PSME4: variants seen among roughly 807,000 people sequenced by gnomAD.
PSME4 encodes the protein proteasome activator subunit 4.
In PSME4, 89 loss-of-function variants were observed where a neutral mutation model predicts 253.9. The ratio of observed to expected loss-of-function variants is 0.35; its 90% CI spans 0.30 to 0.42. The LOEUF (loss-of-function observed/expected upper bound fraction) is 0.42, where lower values mean the gene tolerates loss of function less well. Among genes scored for constraint, PSME4 ranks in the 10% least tolerant of loss-of-function variants. The probability of loss-of-function intolerance (pLI) is 1.00; values close to 1 mark genes in which losing one functional copy is unlikely to be tolerated. For synonymous variants in PSME4, 851 were observed against 759.2 expected, an observed-to-expected ratio of 1.12 and a Z score of -1.99; for missense variants, 2,014 against 2,195.2, an observed-to-expected ratio of 0.92 and a Z score of 1.65.
At chr2:53,969,795 A>C (rs968912931) in intron 1 of PSME4, among the ~76,000 whole-genome samples, 2 of 152,054 alleles carry the variant, frequency 1.3e-5, no homozygotes, top group Non-Finnish European at 2.9e-5. Flanking sequence ...GTAACTCAAA[A>C]AATTAACACA....
intron 3 of PSME4, 75 bp from the exon 4 acceptor site, chr2:53,940,075 A>G: frequency 5.3e-6 from 6 of 1,137,890 alleles, no homozygotes; most frequent in Middle Eastern, 2.1e-4. Context: ...ATAAATATCT[A>G]TAAGATAACC....
At chr2:53,958,690 G>A (rs1670344612) in intron 1 of PSME4, among the ~76,000 whole-genome samples, 1 of 151,706 alleles carries the variant, frequency 6.6e-6, no homozygotes, top group African/African-American at 2.4e-5. Flanking sequence ...CAAAAATTAG[G>A]GTAATTATTT....
Position 53,931,867 on chromosome 2 carries a change from T to C in PSME4, c.1284A>G (p.Arg428=), listed in dbSNP as rs141014596. 75 of 1,614,034 alleles carry C rather than the reference T, an allele frequency of 4.6e-5. No homozygotes were observed. The African/African-American group carries it at 7.2e-4, about 16-fold the overall frequency. ...GTACAGGGGGTATTACCAATTCAGG[T>C]CTCATGAGTGCAAGATTCTGCAAAG... The part of the protein sequence containing the change: ...AQALQNLALM[R]PELVIPPVLE... The change falls in exon 10 of 47, where the codon AGA becomes AGG. Residue 428 remains arginine (R), a synonymous_variant. Coordinates refer to ENST00000404125, the MANE Select transcript of PSME4 (RefSeq NM_014614.3).
At chr2:53,900,662 A>T (rs917163377) in intron 28 of PSME4, among the ~76,000 whole-genome samples, 1 of 152,242 alleles carries the variant, frequency 6.6e-6, no homozygotes, top group Non-Finnish European at 1.5e-5. Flanking sequence ...ATTACATCTC[A>T]ATTAAAATTT....
chr2:53,923,938 A>C (rs1668447597), intron 14 of PSME4, among the ~76,000 whole-genome samples: 1 of 145,432 alleles, frequency 6.9e-6, no homozygotes, highest in Non-Finnish European at 1.5e-5. Context: ...AAAAAAAAAA[A>C]AAAAAAATTG....
intron 1 of PSME4, among the ~76,000 whole-genome samples, chr2:53,951,905 A>C (rs1670015657): frequency 6.6e-6 from 1 of 152,218 alleles, no homozygotes; most frequent in South Asian, 2.1e-4. Flanking sequence ...TGAAGACAAA[A>C]GATCCTACAC....
intron 41 of PSME4, among the ~76,000 whole-genome samples, chr2:53,885,036 G>T (rs890068434): frequency 6.6e-6 from 1 of 152,148 alleles, no homozygotes; most frequent in Non-Finnish European, 1.5e-5. Flanking sequence ...AAGTGGTGAT[G>T]TTTATGCCAA....
At chr2:53,933,372 T>C (rs1668940202) in intron 8 of PSME4, among the ~76,000 whole-genome samples, 1 of 42,386 alleles carries the variant, frequency 2.4e-5, no homozygotes, top group South Asian at 1.2e-3. Flanking sequence ...AGCGAGACCA[T>C]CTCAAAAAAA....
chr2:53,968,921 A>G (rs1035401668), intron 1 of PSME4, among the ~76,000 whole-genome samples: 1 of 152,228 alleles, frequency 6.6e-6, no homozygotes, highest in Non-Finnish European at 1.5e-5. Flanking sequence ...CTAGGTTTAT[A>G]AATCCAAAGC....
intron 27 of PSME4, among the ~76,000 whole-genome samples, chr2:53,902,950 CAA>C (rs1399110505): frequency 1.3e-5 from 2 of 152,182 alleles, no homozygotes; most frequent in African/African-American, 4.8e-5. Context: ...CTCCAAAAAA[CAA>C]TGACTCTACT....
intron 12 of PSME4, among the ~76,000 whole-genome samples, chr2:53,926,616 G>A (rs1668569108): frequency 6.6e-6 from 1 of 152,172 alleles, no homozygotes; most frequent in Admixed American, 6.5e-5. Context: ...AGGAGGCAGA[G>A]GCTGCAGTGA....
At chr2:53,937,286 G>T in intron 5 of PSME4, 105 bp downstream of exon 5, 1 of 1,084,656 alleles carries the variant, frequency 9.2e-7, no homozygotes, top group Non-Finnish European at 1.3e-6. Context: ...TACAATAATG[G>T]CTGAACTTGC....
At chr2:53,923,027 G>C in intron 16 of PSME4, 22 bp downstream of exon 16, 1 of 1,468,340 alleles carries the variant, frequency 6.8e-7, no homozygotes, top group Non-Finnish European at 9.2e-7. Context: ...TGTAAAGAGA[G>C]AATAATGACC....
chr2:53,935,545 ATATACTGTGATCTAAAAAG>A (rs1458415041), intron 7 of PSME4, among the ~76,000 whole-genome samples: 1 of 152,222 alleles, frequency 6.6e-6, no homozygotes, highest in Non-Finnish European at 1.5e-5. Flanking sequence ...CTAAGAAAAT[ATATACTGTGATCTAAAAAG>A]TGGGCAGCAC....
At chr2:53,873,258 A>AAAAAAAAAAAAAAAAAAAAC (rs1678978957) in intron 43 of PSME4, among the ~76,000 whole-genome samples, 1 of 151,832 alleles carries the variant, frequency 6.6e-6, no homozygotes, top group Non-Finnish European at 1.5e-5. Flanking sequence ...GAAAAAAAAA[A>AAAAAAAAAAAAAAAAAAAAC]ACAGTTGTTA....
At position 53,904,165 on chromosome 2, in the gene PSME4, A is replaced by C; in HGVS notation, c.2944-9T>G. 1 of 1,605,354 alleles carries C rather than the reference A, an allele frequency of 6.2e-7. No individual in the cohort carries two copies. The highest frequency in any genetic ancestry group is 1.3e-5 in the African/African-American group (1 of 74,538). Reference sequence around the variant, plus strand: ...TGAGCCTTATTTCTCACCTGGAGGAAGTATTATTAACAAAGGACTTTTATT... The same window carrying C: ...TGAGCCTTATTTCTCACCTGGAGGACGTATTATTAACAAAGGACTTTTATT... On this transcript the variant is annotated splice_polypyrimidine_tract_variant and intron_variant, in intron 26 of 46. Transcript: ENST00000404125.
At chr2:53,890,699 T>C (rs1017877575) in intron 36 of PSME4, among the ~76,000 whole-genome samples, 11 of 152,140 alleles carry the variant, frequency 7.2e-5, no homozygotes, top group Non-Finnish European at 8.8e-5. Context: ...CAAAAAATAT[T>C]CAGAAAAGAG....
At chr2:53,925,779 T>C (rs1668530861) in intron 13 of PSME4, 90 bp from the exon 14 acceptor site, 4 of 1,367,696 alleles carry the variant, frequency 2.9e-6, no homozygotes. Flanking sequence ...TTGTCCTAAT[T>C]ATTCAAGTGA....
At chr2:53,963,825 G>C (rs1489320429) in intron 1 of PSME4, among the ~76,000 whole-genome samples, 1 of 151,910 alleles carries the variant, frequency 6.6e-6, no homozygotes, top group Non-Finnish European at 1.5e-5. Flanking sequence ...TAATAGTATT[G>C]GTATTGCTTT....
Sources: allele counts gnomAD v4.1 joint callset (sites outside exome capture counted in the v4.1 genomes callset), GRCh38; gene constraint gnomAD v4.1.1; transcripts MANE v1.5; gene names NCBI Gene and HGNC (gene_info 2026-07-23, HGNC 2026-07-21).